The following METTL9 variants were observed in gnomAD, a reference collection of about 807,000 sequenced individuals.
METTL9 encodes the protein methyltransferase 9, His-X-His N1(pi)-histidine.
In METTL9, 10 loss-of-function variants were observed where a neutral mutation model predicts 36.0. The observed-to-expected ratio is 0.28, with a 90% CI of 0.17 to 0.47. The LOEUF is 0.47. Ranked by LOEUF, METTL9 falls within the 20% of genes least tolerant of loss-of-function variation. METTL9 has a pLI of 0.99. For synonymous variants in METTL9, 175 were observed against 149.7 expected, an observed-to-expected ratio of 1.17 and a Z score of -1.23; for missense variants, 246 against 383.5, an observed-to-expected ratio of 0.64 and a Z score of 3.00.
chr16:21,624,851 C>G (rs1384045718), intron 3 of METTL9, 80 bp from the exon 4 acceptor site: 17 of 1,250,030 alleles, frequency 1.4e-5, no homozygotes, highest in Non-Finnish European at 2.0e-5. Flanking sequence ...AAAGTTAAAG[C>G]CTTTATTGTC....
At chr16:21,646,267 G>A (rs1966427030) in intron 4 of METTL9, 1 of 152,034 alleles carries the variant, frequency 6.6e-6, no homozygotes, top group Non-Finnish European at 1.5e-5. Flanking sequence ...CTGAGGAATT[G>A]TCATGGGTTT....
chr16:21,619,029 G>T (rs146098013), intron 3 of METTL9, among the ~76,000 whole-genome samples: 2 of 152,064 alleles, frequency 1.3e-5, no homozygotes, highest in Non-Finnish European at 2.9e-5. Context: ...ATGATAATTC[G>T]CTGTATGCAT....
At chr16:21,640,241 A>G (rs1383281512) in intron 4 of METTL9, 1 of 152,118 alleles carries the variant, frequency 6.6e-6, no homozygotes, top group Non-Finnish European at 1.5e-5. Flanking sequence ...CCCGGCCTAA[A>G]AGAGACACTT....
In METTL9 at chr16:21,645,101, C is replaced by T. The variant is rs181841982; in HGVS notation, c.752-10126C>T. On this transcript the variant is annotated intron_variant, in intron 4 of 4. Coordinates refer to ENST00000358154, the MANE Select transcript of METTL9 (RefSeq NM_016025.5). ...TTCAATTACCTGACTATTTGGAGTA[C>T]AAAATACAATTAGATTTGTACTTAC... 6.0e-4 allele frequency among the ~76,000 whole-genome samples: 92 copies of T among 152,248 alleles called. 1 individual carries two copies. The highest frequency in any genetic ancestry group is 2.0e-3 in the African/African-American group (84 of 41,542).
chr16:21,644,476 C>CA, intron 4 of METTL9: 1 of 1,018,180 alleles, frequency 9.8e-7, no homozygotes, highest in Non-Finnish European at 1.5e-6. Context: ...ATCCTTCACA[C>CA]TGCGTTTTAG....
chr16:21,614,026 C>T (rs1358530612), intron 2 of METTL9, among the ~76,000 whole-genome samples: 1 of 152,088 alleles, frequency 6.6e-6, no homozygotes, highest in Non-Finnish European at 1.5e-5. Flanking sequence ...ACTGGATCCC[C>T]AGTGTATCAT....
intron 1 of METTL9, among the ~76,000 whole-genome samples, chr16:21,607,841 AG>A (rs1965327245): frequency 6.6e-6 from 1 of 152,144 alleles, no homozygotes; most frequent in Admixed American, 6.5e-5. Context: ...GTCTTTAAGG[AG>A]CACACATTTA....
chr16:21,618,778 A>G (rs1476342164), intron 3 of METTL9, among the ~76,000 whole-genome samples: 1 of 151,506 alleles, frequency 6.6e-6, no homozygotes, highest in Non-Finnish European at 1.5e-5. Context: ...CAGTGGCACG[A>G]TCTCGGCTCA....
intron 3 of METTL9, among the ~76,000 whole-genome samples, chr16:21,620,746 A>T (rs532993318): frequency 1.3e-5 from 2 of 152,202 alleles, no homozygotes; most frequent in East Asian, 3.8e-4. Context: ...ATTAGTATGA[A>T]GTGAAAACAT....
chr16:21,615,705 G>T (rs1254698024), intron 2 of METTL9, among the ~76,000 whole-genome samples: 1 of 152,094 alleles, frequency 6.6e-6, no homozygotes, highest in Non-Finnish European at 1.5e-5. Flanking sequence ...ACTTACTTTT[G>T]GTCCTGTGGC....
At chr16:21,655,085 C>T in intron 4 of METTL9, 142 bp from the exon 5 acceptor site, 1 of 691,492 alleles carries the variant, frequency 1.4e-6, no homozygotes, top group South Asian at 1.9e-5. Context: ...CAAAGAGTAC[C>T]TGGGAAGTAC....
chr16:21,638,866 G>A (rs1201057368), intron 4 of METTL9, among the ~76,000 whole-genome samples: 1 of 152,184 alleles, frequency 6.6e-6, no homozygotes, highest in Non-Finnish European at 1.5e-5. Flanking sequence ...TGCAAAAGAG[G>A]CCTTTGATTG....
intron 4 of METTL9, among the ~76,000 whole-genome samples, chr16:21,637,359 C>T (rs954536566): frequency 2.0e-5 from 3 of 152,130 alleles, no homozygotes; most frequent in Non-Finnish European, 2.9e-5. Flanking sequence ...GTCTGCTACC[C>T]GGCTAGCTAG....
At chr16:21,613,310 A>G (rs1379902037) in intron 2 of METTL9, among the ~76,000 whole-genome samples, 1 of 150,586 alleles carries the variant, frequency 6.6e-6, no homozygotes, top group East Asian at 2.0e-4. Flanking sequence ...CAGCCTCCCA[A>G]GTAGCTGGGA....
At chr16:21,642,397 A>T (rs774099267) in intron 4 of METTL9, 3 of 152,346 alleles carry the variant, frequency 2.0e-5, no homozygotes, top group Non-Finnish European at 4.4e-5. Context: ...CATTCCATAA[A>T]TTTTAAAAAA....
At chr16:21,630,294 C>G (rs1597765512) in intron 4 of METTL9, among the ~76,000 whole-genome samples, 1 of 152,236 alleles carries the variant, frequency 6.6e-6, no homozygotes, top group Non-Finnish European at 1.5e-5. Flanking sequence ...GAGCCTGCGC[C>G]CACCCGGAAC....
intron 4 of METTL9, among the ~76,000 whole-genome samples, chr16:21,637,244 G>A (rs569506505): frequency 5.9e-5 from 9 of 152,210 alleles, no homozygotes; most frequent in South Asian, 2.1e-4. Flanking sequence ...GCACTGATTC[G>A]TCCGTTTTGA....
chr16:21,627,869 C>T (rs192660910), intron 4 of METTL9, among the ~76,000 whole-genome samples: 44 of 152,194 alleles, frequency 2.9e-4, no homozygotes, highest in Admixed American at 2.0e-3. Flanking sequence ...GGGAGAACGG[C>T]GTGAACCCAG....
At position 21,599,739 on chromosome 16, in the gene METTL9, A is replaced by T; in HGVS notation, c.6A>T (p.Arg2Ser). The change falls in exon 1 of 5, where the codon AGA (arginine) becomes AGT (serine). Residue 2 changes from arginine to serine, a missense_variant. Coordinates refer to ENST00000358154, the MANE Select transcript of METTL9 (RefSeq NM_016025.5). This position sits in a 1 kb window ranked among gnomAD's most constrained non-coding sequence, Gnocchi z 4.4. The stretch of plus-strand genomic sequence containing the variant: ...GCGAGCGGCCGCGGCCCCCGATGAG[A>T]CTGCTGGCGGGCTGGCTGTGCCTGA... M[R>S]LLAGWLCLSL... The T allele has an allele frequency of 6.6e-7, 1 of 1,516,804 alleles. No individual in the cohort carries two copies. Among genetic ancestry groups the T allele is most frequent in the African/African-American group, 1.4e-5 (1 of 69,604 alleles). The allele number at this position is 1,516,804 out of a possible 1,614,324, so 94.0% of individuals were successfully genotyped here. A position where few individuals can be genotyped will look rare whatever the true frequency, so the allele number is the denominator to read the frequency against.
Sources: gnomAD v4.1 joint callset for allele counts (sites outside exome capture counted in the v4.1 genomes callset) on GRCh38, gnomAD v4.1.1 for gene constraint, Gnocchi (gnomAD v3.1) non-coding constraint, MANE v1.5 for transcripts, NCBI Gene and HGNC (gene_info 2026-07-23, HGNC 2026-07-21) for gene names.